MAGI1: variants seen among roughly 807,000 people sequenced by gnomAD.
The protein encoded by MAGI1 is membrane-associated guanylate kinase, WW and PDZ domain-containing protein 1.
Under a neutral mutation model 139.9 loss-of-function variants are expected in MAGI1, and 58 were observed. The observed-to-expected ratio is 0.41, with a 90% confidence interval of 0.34 to 0.52. The LOEUF is 0.52. Ranked by LOEUF, MAGI1 falls within the 20% of genes least tolerant of loss-of-function variation. The probability of loss-of-function intolerance (pLI) is 0.12; values close to 1 mark genes in which losing one functional copy is unlikely to be tolerated. For missense variants in MAGI1, 1,874 were observed against 1,901.6 expected (o/e 0.99, Z 0.27); for synonymous variants, 812 against 737.9 (o/e 1.10, Z -1.63).
At chr3:65,401,372 TCCCACCTCCAG>T in intron 13 of MAGI1, 56 bp downstream of exon 13, 85 of 778,110 alleles carry the variant, frequency 1.1e-4, no homozygotes, top group Middle Eastern at 3.9e-4. Context: ...CAGAGTACCC[TCCCACCTCCAG>T]CCCCCCACCA....
intron 1 of MAGI1, among the ~76,000 whole-genome samples, chr3:65,973,227 C>A (rs1394261170): frequency 1.3e-5 from 2 of 151,634 alleles, no homozygotes; most frequent in African/African-American, 4.8e-5. Context: ...GAACAGGTGC[C>A]CCCTATTCTC....
intron 1 of MAGI1, among the ~76,000 whole-genome samples, chr3:65,771,784 C>T (rs2037972865): frequency 1.3e-5 from 2 of 152,178 alleles, no homozygotes; most frequent in African/African-American, 4.8e-5. Context: ...CCAGGAATCC[C>T]CAGTGCTGTA....
chr3:65,747,256 G>A (rs1180040165), intron 1 of MAGI1, among the ~76,000 whole-genome samples: 2 of 152,170 alleles, frequency 1.3e-5, no homozygotes, highest in African/African-American at 4.8e-5. Flanking sequence ...AGATACATAA[G>A]CTCAAAACCA....
chr3:65,666,085 A>C (rs2086500420), intron 1 of MAGI1, among the ~76,000 whole-genome samples: 2 of 152,174 alleles, frequency 1.3e-5, no homozygotes, highest in South Asian at 4.1e-4. Flanking sequence ...CCAGAAGTCT[A>C]CCTGCTGAGT....
At chr3:65,767,044 A>G (rs12636920) in intron 1 of MAGI1, among the ~76,000 whole-genome samples, 22 of 151,930 alleles carry the variant, frequency 1.4e-4, no homozygotes, top group Non-Finnish European at 2.4e-4. Flanking sequence ...TTTTTCTTAC[A>G]TAAGTGCATG....
intron 1 of MAGI1, among the ~76,000 whole-genome samples, chr3:65,654,508 T>C (rs1002556404): frequency 1.3e-5 from 2 of 152,208 alleles, no homozygotes; most frequent in African/African-American, 4.8e-5. Flanking sequence ...AAAAGCTTTC[T>C]CTGCCAGCAC....
intron 1 of MAGI1, among the ~76,000 whole-genome samples, chr3:65,714,393 A>T (rs2031925527): frequency 6.6e-6 from 1 of 152,054 alleles, no homozygotes; most frequent in Admixed American, 6.6e-5. Flanking sequence ...GCAGTACAAG[A>T]GGCAGATTCC....
chr3:65,916,968 T>C (rs2061939026), intron 1 of MAGI1, among the ~76,000 whole-genome samples: 1 of 152,210 alleles, frequency 6.6e-6, no homozygotes, highest in Non-Finnish European at 1.5e-5. Context: ...AAAGTTAACT[T>C]TGACTTCTTT....
intron 5 of MAGI1, among the ~76,000 whole-genome samples, chr3:65,461,235 C>T (rs1009647357): frequency 3.3e-5 from 5 of 151,708 alleles, no homozygotes; most frequent in Non-Finnish European, 5.9e-5. Flanking sequence ...TTATTTTTTG[C>T]GATGGAGTCT....
chr3:65,496,858 C>T (rs1299010816), intron 2 of MAGI1, among the ~76,000 whole-genome samples: 1 of 152,116 alleles, frequency 6.6e-6, no homozygotes, highest in Non-Finnish European at 1.5e-5. Flanking sequence ...TCACACCATG[C>T]TAGGTCTATA....
chr3:65,980,564 C>A (rs377138876), intron 1 of MAGI1, among the ~76,000 whole-genome samples: 277 of 127,558 alleles, frequency 2.2e-3, no homozygotes, highest in Middle Eastern at 4.5e-3. Flanking sequence ...GACTCCATCT[C>A]AAAAAAAAAA....
chr3:65,439,730 T>C lies in MAGI1; in HGVS notation c.1270+149A>G, dbSNP rs376717108. The stretch of plus-strand genomic sequence containing the variant: ...ATCCAGAGGAACATGGAGAGGGGGT[T>C]CTCTTCCTCCCCACAGGACATCAGC... On this transcript the variant is annotated intron_variant, in intron 9 of 22. Coordinates refer to ENST00000402939, the MANE Select transcript of MAGI1 (RefSeq NM_001033057.2). 4.6e-5 allele frequency: 68 copies of C among 1,472,632 alleles called. 1 individual carries two copies. The African/African-American group carries it at 8.4e-4, about 18-fold the overall frequency. 91.2% of individuals were successfully genotyped at this position (1,472,632 alleles called of 1,614,324 possible).
At chr3:65,811,824 C>T (rs1443150132) in intron 1 of MAGI1, among the ~76,000 whole-genome samples, 1 of 151,914 alleles carries the variant, frequency 6.6e-6, no homozygotes, top group Non-Finnish European at 1.5e-5. Flanking sequence ...TATAAAGAAT[C>T]CCCCCTTGTT....
intron 1 of MAGI1, among the ~76,000 whole-genome samples, chr3:65,804,712 C>T (rs570506975): frequency 3.3e-5 from 5 of 152,204 alleles, no homozygotes; most frequent in Admixed American, 2.6e-4. Context: ...GTAATCAAAA[C>T]GGCATGGCAC....
At chr3:65,859,080 C>T (rs971986673) in intron 1 of MAGI1, among the ~76,000 whole-genome samples, 3 of 152,174 alleles carry the variant, frequency 2.0e-5, no homozygotes, top group African/African-American at 7.2e-5. Flanking sequence ...CGCTTGTAAT[C>T]CCAGCACTGT....
At chr3:65,394,325 A>AAAACTGCCTCTCGGTC (rs1219213584) in intron 13 of MAGI1, among the ~76,000 whole-genome samples, 2 of 152,178 alleles carry the variant, frequency 1.3e-5, no homozygotes, top group African/African-American at 4.8e-5. Flanking sequence ...ATGAGTTTGC[A>AAAACTGCCTCTCGGTC]AAACTGCCTC....
chr3:65,950,059 C>CAAAAAAAAAAAAAA (rs1264298678), intron 1 of MAGI1, among the ~76,000 whole-genome samples: 1 of 13,446 alleles, frequency 7.4e-5, no homozygotes, highest in East Asian at 1.3e-3. Flanking sequence ...AAAAAAAAAA[C>CAAAAAAAAAAAAAA]AAAAAAACAA....
intron 1 of MAGI1, among the ~76,000 whole-genome samples, chr3:65,697,417 A>G (rs1472866331): frequency 6.1e-5 from 9 of 147,466 alleles, no homozygotes; most frequent in Admixed American, 2.0e-4. Context: ...CAGAGACACA[A>G]CCAAAAAAGA....
At chr3:65,927,452 C>A (rs1285553054) in intron 1 of MAGI1, among the ~76,000 whole-genome samples, 2 of 152,184 alleles carry the variant, frequency 1.3e-5, no homozygotes, top group East Asian at 3.9e-4. Flanking sequence ...CCATTTAATG[C>A]CACAAGTGTG....
Sources: allele counts gnomAD v4.1 joint callset (sites outside exome capture counted in the v4.1 genomes callset), GRCh38; gene constraint gnomAD v4.1.1; transcripts MANE v1.5; gene names NCBI Gene and HGNC (gene_info 2026-07-23, HGNC 2026-07-21).